Variants in CNTNAP2 observed in about 807,000 individuals in gnomAD.
The protein encoded by CNTNAP2 is contactin associated protein 2.
CNTNAP2 carries 98 observed loss-of-function variants against 155.2 expected under a neutral mutation model. That is an observed-to-expected ratio of 0.63 (90% confidence interval 0.54 to 0.75). The LOEUF is 0.75. Ranked by LOEUF, CNTNAP2 falls within the 30% of genes least tolerant of loss-of-function variation. The pLI is 0.00. For missense variants in CNTNAP2, 1,727 were observed against 1,688.1 expected (o/e 1.02, Z -0.40); for synonymous variants, 651 against 631.2 (o/e 1.03, Z -0.47).
At chr7:147,410,243 A>G (rs1039973985) in intron 10 of CNTNAP2, among the ~76,000 whole-genome samples, 5 of 152,234 alleles carry the variant, frequency 3.3e-5, no homozygotes, top group Admixed American at 3.3e-4. Flanking sequence ...TTGTGGGAAC[A>G]TGAATGGAGC....
intron 15 of CNTNAP2, among the ~76,000 whole-genome samples, chr7:148,040,893 G>A (rs1484211844): frequency 1.3e-5 from 2 of 151,988 alleles, no homozygotes; most frequent in Non-Finnish European, 2.9e-5. Context: ...TGTAATCCCA[G>A]CACTTTGGGA....
chr7:147,987,915 G>A (rs918440387), intron 15 of CNTNAP2, among the ~76,000 whole-genome samples: 7 of 151,964 alleles, frequency 4.6e-5, no homozygotes, highest in East Asian at 1.9e-4. Context: ...GGCTGGCCTC[G>A]AACTCTTGAC....
In CNTNAP2 at chr7:146,681,832, A is replaced by T. The variant is rs1471795193; in HGVS notation, c.98-92439A>T. ...GTTAGAGAATATGTTAATGTGTTATATTCAGAAAGTAAGAGCTTCTAATGC... is the reference window on the plus strand; with the variant it reads ...GTTAGAGAATATGTTAATGTGTTATTTTCAGAAAGTAAGAGCTTCTAATGC... On this transcript the variant is annotated intron_variant, in intron 1 of 23. Coordinates refer to ENST00000361727, the MANE Select transcript of CNTNAP2 (RefSeq NM_014141.6). Among the ~76,000 whole-genome samples, 82 of 152,272 alleles carry T rather than the reference A, an allele frequency of 5.4e-4. 1 individual carries two copies. Among genetic ancestry groups the T allele is most frequent in the Non-Finnish European group, 1.6e-4 (11 of 68,012 alleles).
intron 8 of CNTNAP2, among the ~76,000 whole-genome samples, chr7:147,252,764 T>C (rs902965581): frequency 1.1e-4 from 17 of 152,340 alleles, no homozygotes; most frequent in African/African-American, 1.9e-4. Context: ...TCTGCTGTTA[T>C]GTATGCTTTA....
intron 17 of CNTNAP2, among the ~76,000 whole-genome samples, chr7:148,170,976 T>C (rs1805781954): frequency 6.6e-6 from 1 of 152,178 alleles, no homozygotes; most frequent in Admixed American, 6.5e-5. Flanking sequence ...GACTGGAAAG[T>C]TCTTCTCGGT....
At chr7:147,379,399 G>A (rs1372669320) in intron 9 of CNTNAP2, among the ~76,000 whole-genome samples, 2 of 151,986 alleles carry the variant, frequency 1.3e-5, no homozygotes, top group Non-Finnish European at 2.9e-5. Context: ...GTTTTCTTGA[G>A]TTTTATATTT....
intron 13 of CNTNAP2, among the ~76,000 whole-genome samples, chr7:147,739,893 C>T (rs1237620878): frequency 6.6e-6 from 1 of 151,958 alleles, no homozygotes; most frequent in Admixed American, 6.6e-5. Flanking sequence ...CTGATTTCAG[C>T]ATTTTTGGAT....
chr7:146,447,993 AAG>A (rs1412357440), intron 1 of CNTNAP2, among the ~76,000 whole-genome samples: 5 of 152,050 alleles, frequency 3.3e-5, no homozygotes, highest in East Asian at 1.9e-4. Context: ...GGATGATAAT[AAG>A]AGAGTCTCTA....
intron 12 of CNTNAP2, among the ~76,000 whole-genome samples, chr7:147,562,598 A>G (rs946874484): frequency 6.6e-6 from 1 of 152,206 alleles, no homozygotes; most frequent in Non-Finnish European, 1.5e-5. Flanking sequence ...CACTGCTCCA[A>G]TATTCTCACT....
chr7:146,287,380 T>G (rs554171540), intron 1 of CNTNAP2, among the ~76,000 whole-genome samples: 1 of 152,290 alleles, frequency 6.6e-6, no homozygotes, highest in Non-Finnish European at 1.5e-5. Flanking sequence ...GAGGCTGACT[T>G]AGGCAGGTGC....
At chr7:147,900,421 G>C (rs949751836) in intron 13 of CNTNAP2, among the ~76,000 whole-genome samples, 2 of 151,936 alleles carry the variant, frequency 1.3e-5, no homozygotes, top group Non-Finnish European at 2.9e-5. Flanking sequence ...TCTCTCTCCT[G>C]CCCCCATGAG....
At chr7:147,265,760 G>A (rs1804593371) in intron 8 of CNTNAP2, among the ~76,000 whole-genome samples, 2 of 152,048 alleles carry the variant, frequency 1.3e-5, no homozygotes. Context: ...CATTCCTACT[G>A]GCATCCGGTC....
intron 1 of CNTNAP2, among the ~76,000 whole-genome samples, chr7:146,259,063 T>C (rs1414459792): frequency 6.6e-6 from 1 of 152,028 alleles, no homozygotes; most frequent in Non-Finnish European, 1.5e-5. Context: ...AATCTGATGG[T>C]TTAAAAGTGG....
intron 1 of CNTNAP2, among the ~76,000 whole-genome samples, chr7:146,312,758 G>A (rs1268755042): frequency 6.6e-6 from 1 of 151,806 alleles, no homozygotes; most frequent in African/African-American, 2.4e-5. Flanking sequence ...TCTATTCCTT[G>A]TTTCTGAAAT....
chr7:147,230,251 T>C (rs1311830457), intron 8 of CNTNAP2, among the ~76,000 whole-genome samples: 2 of 151,836 alleles, frequency 1.3e-5, no homozygotes, highest in African/African-American at 2.4e-5. Flanking sequence ...ATTTTTTGAA[T>C]TTATTTATTT....
intron 13 of CNTNAP2, among the ~76,000 whole-genome samples, chr7:147,869,871 A>C (rs2116699440): frequency 6.6e-6 from 1 of 152,306 alleles, no homozygotes; most frequent in African/African-American, 2.4e-5. Flanking sequence ...TCATCAGTTT[A>C]TCCATTTAAA....
intron 1 of CNTNAP2, among the ~76,000 whole-genome samples, chr7:146,164,843 T>G (rs1798288165): frequency 1.3e-5 from 2 of 152,170 alleles, no homozygotes; most frequent in Admixed American, 1.3e-4. Context: ...CTCATCTTTC[T>G]GGGAGTTCTT....
intron 4 of CNTNAP2, among the ~76,000 whole-genome samples, chr7:147,085,195 C>G (rs564452471): frequency 6.6e-6 from 1 of 152,216 alleles, no homozygotes; most frequent in African/African-American, 2.4e-5. Flanking sequence ...TCTCCATCTC[C>G]TAGTATTGTT....
At chr7:147,944,782 T>C (rs987826832) in intron 14 of CNTNAP2, among the ~76,000 whole-genome samples, 7 of 152,214 alleles carry the variant, frequency 4.6e-5, no homozygotes, top group Admixed American at 1.3e-4. Flanking sequence ...TGAAATACTT[T>C]GACAATAACA....
Sources: gnomAD v4.1 joint callset for allele counts (sites outside exome capture counted in the v4.1 genomes callset) on GRCh38, gnomAD v4.1.1 for gene constraint, MANE v1.5 for transcripts, NCBI Gene and HGNC (gene_info 2026-07-23, HGNC 2026-07-21) for gene names.